The following ABCC4 variants were observed in gnomAD, a reference collection of about 807,000 sequenced individuals.
ABCC4 encodes the protein ATP binding cassette subfamily C member 4 (PEL blood group), also known as ATP-binding cassette sub-family C member 4.
A neutral mutation model predicts 168.5 loss-of-function variants in ABCC4; 102 were observed. That is an observed-to-expected ratio of 0.61 (90% CI 0.52 to 0.71). The LOEUF (loss-of-function observed/expected upper bound fraction) is 0.71. Among genes scored for constraint, ABCC4 ranks in the 30% least tolerant of loss-of-function variants. The pLI, the probability that ABCC4 is intolerant of heterozygous loss-of-function variation, is 0.00. For missense variants in ABCC4, 1,402 were observed against 1,605.8 expected (o/e 0.87, Z 2.17); for synonymous variants, 617 against 590.7 (o/e 1.04, Z -0.65).
intron 1 of ABCC4, among the ~76,000 whole-genome samples, chr13:95,283,207 C>T (rs112402149): frequency 0.19 from 27,403 of 147,208 alleles, 2,786 homozygotes; most frequent in East Asian, 0.37. Flanking sequence ...CAGAGCAAGA[C>T]TCCAACTCAA....
intron 24 of ABCC4, 33 bp downstream of exon 24, chr13:95,073,171 T>G (rs765512296): frequency 1.9e-6 from 3 of 1,556,458 alleles, no homozygotes; most frequent in African/African-American, 1.4e-5. Context: ...GCAAGGAGAT[T>G]GAAAAGGCAA....
intron 1 of ABCC4, among the ~76,000 whole-genome samples, chr13:95,266,467 T>C (rs960674104): frequency 6.6e-6 from 1 of 152,202 alleles, no homozygotes; most frequent in Non-Finnish European, 1.5e-5. Context: ...TAAATGTCTA[T>C]TGTCTTAAAC....
intron 6 of ABCC4, 30 bp downstream of exon 6, chr13:95,209,404 T>C (rs763040965): frequency 4.4e-6 from 7 of 1,608,062 alleles, no homozygotes; most frequent in Admixed American, 1.7e-5. Context: ...CAAATACATA[T>C]GACATTTTTC....
intron 11 of ABCC4, among the ~76,000 whole-genome samples, chr13:95,184,717 G>A (rs2038003880): frequency 6.6e-6 from 1 of 152,212 alleles, no homozygotes; most frequent in Admixed American, 6.5e-5. Flanking sequence ...CTGTCATAGA[G>A]AAATGATGGA....
chr13:95,049,149 C>T (rs1196644444), intron 27 of ABCC4, among the ~76,000 whole-genome samples: 1 of 151,680 alleles, frequency 6.6e-6, no homozygotes, highest in Non-Finnish European at 1.5e-5. Flanking sequence ...GTGTGGCCAA[C>T]ATGGCAAAAC....
chr13:95,249,598 C>G (rs1284474986), intron 1 of ABCC4, among the ~76,000 whole-genome samples: 1 of 152,220 alleles, frequency 6.6e-6, no homozygotes, highest in Non-Finnish European at 1.5e-5. Flanking sequence ...TTTCTCCTCA[C>G]CTCCTCCAAA....
chr13:95,022,703 GATCT>G (rs1431526550), intron 30 of ABCC4, among the ~76,000 whole-genome samples: 4 of 152,138 alleles, frequency 2.6e-5, no homozygotes, highest in African/African-American at 7.2e-5. Context: ...TACGATTCTG[GATCT>G]ATTTTATAAA....
chr13:95,094,477 T>C (rs2034528009), intron 20 of ABCC4, among the ~76,000 whole-genome samples: 1 of 152,126 alleles, frequency 6.6e-6, no homozygotes, highest in Non-Finnish European at 1.5e-5. Flanking sequence ...TGTAGGAGAA[T>C]GAAACTGGAT....
chr13:95,131,298 G>A (rs140848097), intron 19 of ABCC4, among the ~76,000 whole-genome samples: 26 of 152,236 alleles, frequency 1.7e-4, no homozygotes, highest in South Asian at 4.1e-4. Flanking sequence ...ACAAAAACCC[G>A]CACAGGCTCC....
chr13:95,034,634 C>CT lies in ABCC4; in HGVS notation c.3840dup (p.Ala1281SerfsTer6). ...TTTGCTGTTTCAGTGAGGGCAGCGGCTTCTGCCTTGCCCAGTTGTTGCACC... is the reference window on the plus strand; with the variant it reads ...TTTGCTGTTTCAGTGAGGGCAGCGGCTTTCTGCCTTGCCCAGTTGTTGCACC... On this transcript the variant is annotated frameshift_variant, in exon 30 of 31. Coordinates refer to ENST00000645237, the MANE Select transcript of ABCC4 (RefSeq NM_005845.5). LOFTEE classifies it high-confidence loss of function. 3 of 1,614,194 alleles carry CT rather than the reference C, an allele frequency of 1.9e-6. No individual in the cohort carries two copies. The highest frequency in any genetic ancestry group is 2.5e-6 in the Non-Finnish European group (3 of 1,180,048).
At chr13:95,030,268 G>A (rs1165799810) in intron 30 of ABCC4, among the ~76,000 whole-genome samples, 3 of 151,974 alleles carry the variant, frequency 2.0e-5, no homozygotes, top group African/African-American at 4.8e-5. Context: ...TGATATACCC[G>A]CCTCAACTTC....
chr13:95,071,525 C>T (rs892844890), intron 25 of ABCC4, 137 bp downstream of exon 25: 4 of 703,004 alleles, frequency 5.7e-6, no homozygotes, highest in Non-Finnish European at 6.2e-6. Context: ...TGTTGGTATC[C>T]ACATTCCATG....
At chr13:95,125,785 G>A (rs2139436363) in intron 19 of ABCC4, among the ~76,000 whole-genome samples, 1 of 152,316 alleles carries the variant, frequency 6.6e-6, no homozygotes, top group Middle Eastern at 3.4e-3. Flanking sequence ...TACAGCAAGT[G>A]ATGATTATTT....
chr13:95,200,938 C>T (rs1017296107), intron 8 of ABCC4, among the ~76,000 whole-genome samples: 1 of 151,990 alleles, frequency 6.6e-6, no homozygotes, highest in Non-Finnish European at 1.5e-5. Flanking sequence ...AAAACAAAAC[C>T]TCCAACAATG....
At chr13:95,059,585 C>CTTT (rs1281772297) in intron 26 of ABCC4, among the ~76,000 whole-genome samples, 3 of 152,092 alleles carry the variant, frequency 2.0e-5, no homozygotes, top group African/African-American at 7.2e-5. Flanking sequence ...ATAGCCTCAC[C>CTTT]TTTTGTTCCT....
chr13:95,252,628 T>C (rs2040294447), intron 1 of ABCC4, among the ~76,000 whole-genome samples: 1 of 152,086 alleles, frequency 6.6e-6, no homozygotes. Flanking sequence ...TGAGCTGAGA[T>C]CGCACCTTTG....
intron 1 of ABCC4, among the ~76,000 whole-genome samples, chr13:95,300,839 G>A (rs1479805795): frequency 1.3e-5 from 2 of 152,226 alleles, no homozygotes; most frequent in African/African-American, 2.4e-5. Flanking sequence ...CCCAGAGCAG[G>A]AGGCGGGAGC....
chr13:95,115,826 G>T (rs2139412022), intron 20 of ABCC4, 96 bp downstream of exon 20: 2 of 945,672 alleles, frequency 2.1e-6, no homozygotes, highest in Non-Finnish European at 3.3e-6. Context: ...CACACAGCCA[G>T]GCCGAGAGTC....
At chr13:95,097,589 ATTCTTTTTTTTTT>A (rs951450756) in intron 20 of ABCC4, among the ~76,000 whole-genome samples, 2 of 97,934 alleles carry the variant, frequency 2.0e-5, no homozygotes, top group African/African-American at 9.1e-5. Flanking sequence ...CAGAATATAC[ATTCTTTTTTTTTT>A]TTTTTTTTTT....
Sources: allele counts gnomAD v4.1 joint callset (sites outside exome capture counted in the v4.1 genomes callset), GRCh38; gene constraint gnomAD v4.1.1; transcripts MANE v1.5; gene names NCBI Gene and HGNC (gene_info 2026-07-23, HGNC 2026-07-21).